MFSD11: variants seen among roughly 807,000 people sequenced by gnomAD.
The protein encoded by MFSD11 is UNC93-like protein MFSD11.
In MFSD11, 36 loss-of-function variants were observed where a neutral mutation model predicts 53.5. That is an observed-to-expected ratio of 0.67 (90% CI 0.52 to 0.89). The LOEUF (loss-of-function observed/expected upper bound fraction) is 0.89, where lower values mean the gene tolerates loss of function less well. Ranked by LOEUF, MFSD11 falls within the 40% of genes least tolerant of loss-of-function variation. The pLI is 0.00. For synonymous variants in MFSD11, 186 were observed against 184.9 expected, an observed-to-expected ratio of 1.01 and a Z score of -0.05; for missense variants, 530 against 543.9, an observed-to-expected ratio of 0.97 and a Z score of 0.25.
intron 9 of MFSD11, among the ~76,000 whole-genome samples, chr17:76,768,557 TC>T (rs1004388456): frequency 6.6e-6 from 1 of 152,142 alleles, no homozygotes; most frequent in African/African-American, 2.4e-5. Flanking sequence ...GGAATCAAGG[TC>T]CCCTACTGAT....
chr17:76,751,617 T>C (rs1435501732), intron 7 of MFSD11, among the ~76,000 whole-genome samples: 1 of 151,438 alleles, frequency 6.6e-6, no homozygotes, highest in Admixed American at 6.6e-5. Flanking sequence ...GGAGGATCAC[T>C]TGAGCCCAGG....
downstream of MFSD11, among the ~76,000 whole-genome samples, chr17:76,783,940 T>C (rs183675073): frequency 2.6e-3 from 395 of 150,580 alleles, 2 homozygotes; most frequent in African/African-American, 8.7e-3. Context: ...TTCACACCCA[T>C]TGGGATGGCT....
chr17:76,765,890 A>G (rs1057325811), intron 8 of MFSD11, among the ~76,000 whole-genome samples: 5 of 151,668 alleles, frequency 3.3e-5, no homozygotes, highest in Admixed American at 1.3e-4. Context: ...TACCACATGT[A>G]TGGAACTTCC....
chr17:76,737,328 A>C (rs1268467991), upstream of MFSD11: 2 of 888,340 alleles, frequency 2.3e-6, no homozygotes, highest in Non-Finnish European at 3.2e-6. Flanking sequence ...CCTGAGTAAC[A>C]ACTGGGCGGG....
intron 7 of MFSD11, among the ~76,000 whole-genome samples, chr17:76,747,625 G>A (rs536986977): frequency 2.6e-5 from 4 of 152,194 alleles, no homozygotes; most frequent in East Asian, 1.9e-4. Context: ...GAGCCACCGC[G>A]CCTGGCAAAA....
the MFSD11 span, among the ~76,000 whole-genome samples, chr17:76,796,992 A>C: frequency 1.3e-5 from 2 of 152,024 alleles, no homozygotes; most frequent in African/African-American, 4.8e-5. Flanking sequence ...ACATGGTGGA[A>C]ACTCATCTCT....
chr17:76,775,630 G>A (rs1228669023), intron 11 of MFSD11, among the ~76,000 whole-genome samples: 1 of 152,126 alleles, frequency 6.6e-6, no homozygotes, highest in Non-Finnish European at 1.5e-5. Context: ...TTTATGTCCA[G>A]CTCCACAAAT....
intron 7 of MFSD11, among the ~76,000 whole-genome samples, chr17:76,751,344 C>G (rs370053102): frequency 6.7e-6 from 1 of 150,180 alleles, no homozygotes. Context: ...GAGCTGAGAT[C>G]GTGCCACTGC....
chr17:76,783,939 A>G (rs2082231705), downstream of MFSD11, among the ~76,000 whole-genome samples: 2 of 150,424 alleles, frequency 1.3e-5, no homozygotes, highest in Non-Finnish European at 1.5e-5. Flanking sequence ...CTTCACACCC[A>G]TTGGGATGGC....
In MFSD11 at chr17:76,741,836, T is replaced by C. The variant is rs1248034907; in HGVS notation, c.261-133T>C. ...TGAGAAAGTTGATTGTGTCCCTTTT[T>C]TCAAAACTGGAGCGATCCTTTACAG... is the stretch of plus-strand genomic sequence containing the variant. On this transcript the variant is annotated intron_variant, in intron 3 of 12. Transcript: ENST00000685175. 2.8e-6 allele frequency: 4 copies of C among 1,414,144 alleles called. No homozygotes were observed. In the African/African-American group the frequency reaches 4.3e-5, roughly 15 times the overall value. 87.6% of individuals were successfully genotyped at this position (1,414,144 alleles called of 1,614,324 possible).
At chr17:76,753,912 A>G in intron 7 of MFSD11, 135 bp from the exon 8 acceptor site, 1 of 659,300 alleles carries the variant, frequency 1.5e-6, no homozygotes, top group Non-Finnish European at 2.5e-6. Context: ...GGCAAGGAGC[A>G]TTCGAGTCAC....
intron 8 of MFSD11, among the ~76,000 whole-genome samples, chr17:76,759,724 TG>T (rs1371364585): frequency 7.1e-6 from 1 of 140,822 alleles, no homozygotes; most frequent in Non-Finnish European, 1.5e-5. Context: ...CCCAAAGTGC[TG>T]GGATTACAGG....
intron 7 of MFSD11, among the ~76,000 whole-genome samples, 162 bp downstream of exon 7, chr17:76,744,628 GA>G (rs1284422140): frequency 2.0e-5 from 3 of 151,936 alleles, no homozygotes; most frequent in Non-Finnish European, 2.9e-5. Flanking sequence ...GAGGGAGGAA[GA>G]AAAAAAAGGT....
intron 8 of MFSD11, among the ~76,000 whole-genome samples, chr17:76,757,699 T>C (rs1598626292): frequency 1.3e-5 from 2 of 152,314 alleles, no homozygotes; most frequent in African/African-American, 4.8e-5. Flanking sequence ...CTAGGATGAA[T>C]GTCTGAAAAC....
rs371369706 is a variant in MFSD11 at position 76,750,532 on chromosome 17, A to C, written c.642-3515A>C. On this transcript the variant is annotated intron_variant, in intron 7 of 12. Coordinates refer to ENST00000685175, the MANE Select transcript of MFSD11 (RefSeq NM_001242532.5). ...GCCACACGCCCGGCTAATTTTTTGT[A>C]TTTTTAGTAGAGACTGAGTTTCACT... is the stretch of plus-strand genomic sequence containing the variant. Among the ~76,000 whole-genome samples the C allele has an allele frequency of 2.3e-3, 355 of 151,498 alleles. 2 individuals carry two copies. Among genetic ancestry groups the C allele is most frequent in the African/African-American group, 7.7e-3 (317 of 41,308 alleles).
At chr17:76,789,250 T>G in the MFSD11 span, among the ~76,000 whole-genome samples, 1 of 150,324 alleles carries the variant, frequency 6.7e-6, no homozygotes, top group African/African-American at 2.4e-5. Context: ...CTGTTCAGCC[T>G]TGGGCTTGGG....
downstream of MFSD11, among the ~76,000 whole-genome samples, chr17:76,782,474 C>CTTTTTTTT (rs33999736): frequency 5.3e-5 from 4 of 76,172 alleles, no homozygotes; most frequent in Non-Finnish European, 8.8e-5. Flanking sequence ...CGCGCCCAGG[C>CTTTTTTTT]TTTTTTTTTT....
upstream of MFSD11, chr17:76,737,179 G>A (rs765257964): frequency 2.5e-5 from 39 of 1,529,762 alleles, no homozygotes; most frequent in Non-Finnish European, 3.3e-5. Flanking sequence ...GTGGCGGCCC[G>A]GAGCCCCGCG....
chr17:76,795,855 C>T, the MFSD11 span, among the ~76,000 whole-genome samples: 5 of 147,286 alleles, frequency 3.4e-5, no homozygotes, highest in East Asian at 8.0e-4. Flanking sequence ...TTAGTAGAGA[C>T]GGGGTTTCAC....
Sources: gnomAD v4.1 joint callset for allele counts (sites outside exome capture counted in the v4.1 genomes callset) on GRCh38, gnomAD v4.1.1 for gene constraint, MANE v1.5 for transcripts, NCBI Gene and HGNC (gene_info 2026-07-23, HGNC 2026-07-21) for gene names.